The following AEBP2 variants were observed in gnomAD, a reference collection of about 807,000 sequenced individuals.
AEBP2 encodes the protein zinc finger protein AEBP2.
In AEBP2, 10 loss-of-function variants were observed where a neutral mutation model predicts 50.8. The observed-to-expected ratio is 0.20, with a 90% CI of 0.12 to 0.33. The LOEUF is 0.33. Among genes scored for constraint, AEBP2 ranks in the 10% least tolerant of loss-of-function variants. The probability of loss-of-function intolerance (pLI) is 1.00; values close to 1 mark genes in which losing one functional copy is unlikely to be tolerated. For synonymous variants in AEBP2, 296 were observed against 261.3 expected (o/e 1.13, Z -1.28); for missense variants, 570 against 688.0 (o/e 0.83, Z 1.92).
At chr12:19,426,385 G>A (rs960203576) in intron 1 of AEBP2, among the ~76,000 whole-genome samples, 2 of 152,078 alleles carry the variant, frequency 1.3e-5, no homozygotes, top group Admixed American at 6.6e-5. Context: ...TTACAGAATC[G>A]GTTATATTCA....
At chr12:19,449,110 A>G (rs1948123658) in intron 1 of AEBP2, among the ~76,000 whole-genome samples, 1 of 152,228 alleles carries the variant, frequency 6.6e-6, no homozygotes, top group Non-Finnish European at 1.5e-5. Flanking sequence ...GTCAAGAATG[A>G]CAGTAGTCAT....
At chr12:19,457,219 A>G in intron 1 of AEBP2, 2 of 1,598,416 alleles carry the variant, frequency 1.3e-6, no homozygotes, top group Non-Finnish European at 1.7e-6. Context: ...TGTGTAAGCC[A>G]AAAGGGCATG....
intron 1 of AEBP2, chr12:19,456,771 TCA>T: frequency 6.3e-7 from 1 of 1,584,914 alleles, no homozygotes; most frequent in Admixed American, 1.7e-5. Flanking sequence ...AGATTTTACT[TCA>T]GTTTTAATGT....
chr12:19,465,823 G>C (rs1366781203), intron 2 of AEBP2, among the ~76,000 whole-genome samples: 1 of 134,846 alleles, frequency 7.4e-6, no homozygotes, highest in Non-Finnish European at 1.5e-5. Context: ...ATGGAGTGTT[G>C]CTCTGTTTCC....
chr12:19,456,524 G>C (rs774509208), intron 1 of AEBP2: 33 of 1,522,454 alleles, frequency 2.2e-5, no homozygotes, highest in Non-Finnish European at 2.5e-5. Flanking sequence ...CAGCAAACTT[G>C]CATGCAGTGT....
chr12:19,425,721 G>A (rs368213472), intron 1 of AEBP2, among the ~76,000 whole-genome samples: 31 of 145,366 alleles, frequency 2.1e-4, no homozygotes, highest in African/African-American at 7.0e-4. Flanking sequence ...GCAGCAAGCC[G>A]AGATCCTGCC....
chr12:19,496,676 T>C (rs1359933039), intron 4 of AEBP2, among the ~76,000 whole-genome samples: 1 of 151,588 alleles, frequency 6.6e-6, no homozygotes, highest in Non-Finnish European at 1.5e-5. Flanking sequence ...TTTTTTTTTT[T>C]TCTGAGACAG....
chr12:19,500,685 T>C (rs956315078), intron 5 of AEBP2, among the ~76,000 whole-genome samples: 1 of 152,196 alleles, frequency 6.6e-6, no homozygotes, highest in African/African-American at 2.4e-5. Context: ...TTATATTTGC[T>C]ATCAGAGCTT....
intron 2 of AEBP2, among the ~76,000 whole-genome samples, chr12:19,469,625 C>T (rs1397288244): frequency 6.6e-6 from 1 of 152,134 alleles, no homozygotes; most frequent in Admixed American, 6.6e-5. Flanking sequence ...CTAATTTAAA[C>T]ATTTTCAGAG....
At chr12:19,414,684 A>G (rs1313971260) in intron 1 of AEBP2, among the ~76,000 whole-genome samples, 3 of 152,156 alleles carry the variant, frequency 2.0e-5, no homozygotes, top group Non-Finnish European at 2.9e-5. Flanking sequence ...CAGATAATGT[A>G]GGAAAGTGGT....
chr12:19,469,083 C>T (rs942281287), intron 2 of AEBP2, among the ~76,000 whole-genome samples: 6 of 152,120 alleles, frequency 3.9e-5, no homozygotes, highest in African/African-American at 1.4e-4. Context: ...TGTCATCACA[C>T]CTGGTTAAGT....
intron 1 of AEBP2, among the ~76,000 whole-genome samples, chr12:19,446,601 G>A (rs11044566): frequency 0.022 from 3,417 of 152,162 alleles, 48 homozygotes; most frequent in East Asian, 0.043. Flanking sequence ...GCGTGGTGGC[G>A]GGCACCTGTA....
intron 1 of AEBP2, among the ~76,000 whole-genome samples, chr12:19,414,874 G>A (rs1019210039): frequency 1.3e-5 from 2 of 150,768 alleles, no homozygotes; most frequent in African/African-American, 4.9e-5. Context: ...AGTGAGCCGA[G>A]ATTGTGCCAC....
At chr12:19,466,958 G>GT (rs1198670505) in intron 2 of AEBP2, 2 of 272,410 alleles carry the variant, frequency 7.3e-6, no homozygotes, top group Non-Finnish European at 1.1e-5. Flanking sequence ...ACTTAGCATT[G>GT]TTTTTTTCCC....
chr12:19,440,870 C>T, intron 1 of AEBP2: 1 of 1,040,256 alleles, frequency 9.6e-7, no homozygotes, highest in Non-Finnish European at 1.4e-6. Context: ...TCTACTTAAA[C>T]AAAAAAAGGA....
chr12:19,429,823 GTTTTT>G (rs201943298), intron 1 of AEBP2, among the ~76,000 whole-genome samples: 1 of 145,932 alleles, frequency 6.9e-6, no homozygotes, highest in Non-Finnish European at 1.5e-5. Flanking sequence ...GTTGATGGGA[GTTTTT>G]TTTTTTTCTT....
At chr12:19,446,173 A>G (rs1287476883) in intron 1 of AEBP2, 1 of 152,240 alleles carries the variant, frequency 6.6e-6, no homozygotes, top group Non-Finnish European at 1.5e-5. Flanking sequence ...TAGTAATTAT[A>G]TTGGTCTTAA....
intron 1 of AEBP2, among the ~76,000 whole-genome samples, chr12:19,451,180 A>G (rs1013111802): frequency 3.3e-5 from 5 of 152,178 alleles, no homozygotes; most frequent in Admixed American, 2.6e-4. Flanking sequence ...AAACGACAGC[A>G]TTTATTTTAC....
At chr12:19,484,880 T>G (rs1948784933) in intron 3 of AEBP2, among the ~76,000 whole-genome samples, 1 of 152,172 alleles carries the variant, frequency 6.6e-6, no homozygotes, top group African/African-American at 2.4e-5. Flanking sequence ...GTCCTATTAC[T>G]TTAACACCCC....
Sources: gnomAD v4.1 joint callset for allele counts (sites outside exome capture counted in the v4.1 genomes callset) on GRCh38, gnomAD v4.1.1 for gene constraint, MANE v1.5 for transcripts, NCBI Gene and HGNC (gene_info 2026-07-23, HGNC 2026-07-21) for gene names.